The following RSRC1 variants were observed in gnomAD, a reference collection of about 807,000 sequenced individuals.
RSRC1 encodes the protein serine/Arginine-related protein 53.
RSRC1 carries 39 observed loss-of-function variants against 49.1 expected under a neutral mutation model. That is an observed-to-expected ratio of 0.79 (90% CI 0.61 to 1.04). The LOEUF (loss-of-function observed/expected upper bound fraction) is 1.04, where lower values mean the gene tolerates loss of function less well. Ranked by LOEUF, RSRC1 falls within the 50% of genes least tolerant of loss-of-function variation. RSRC1 has a pLI of 0.00. For synonymous variants in RSRC1, 143 were observed against 130.8 expected, an observed-to-expected ratio of 1.09 and a Z score of -0.63; for missense variants, 388 against 402.4, an observed-to-expected ratio of 0.96 and a Z score of 0.31.
At chr3:158,521,356 AC>A (rs1711662519) in intron 7 of RSRC1, among the ~76,000 whole-genome samples, 2 of 151,864 alleles carry the variant, frequency 1.3e-5, no homozygotes, top group African/African-American at 2.4e-5. Context: ...CATCTTCGGA[AC>A]CCCTTGTCCT....
chr3:158,146,679 G>A (rs1055712638), intron 3 of RSRC1, among the ~76,000 whole-genome samples: 4 of 152,084 alleles, frequency 2.6e-5, no homozygotes, highest in African/African-American at 4.8e-5. Context: ...TTTTTCTATT[G>A]ATTGGAATAG....
intron 4 of RSRC1, among the ~76,000 whole-genome samples, chr3:158,241,797 G>A (rs1723595276): frequency 6.6e-6 from 1 of 151,852 alleles, no homozygotes; most frequent in African/African-American, 2.4e-5. Context: ...TTGAAAGTCT[G>A]TATCTTAAAA....
At chr3:158,299,536 A>G (rs931347789) in intron 5 of RSRC1, among the ~76,000 whole-genome samples, 8 of 151,930 alleles carry the variant, frequency 5.3e-5, no homozygotes, top group Non-Finnish European at 1.2e-4. Flanking sequence ...GGGTTTCACC[A>G]TATTAGCCAG....
chr3:158,528,705 C>T (rs1347724028), intron 7 of RSRC1, among the ~76,000 whole-genome samples: 2 of 151,884 alleles, frequency 1.3e-5, no homozygotes, highest in African/African-American at 4.8e-5. Flanking sequence ...GTATTCTGAC[C>T]TATTAATCTG....
chr3:158,395,932 C>A (rs1733587390), intron 6 of RSRC1, among the ~76,000 whole-genome samples: 2 of 152,060 alleles, frequency 1.3e-5, no homozygotes, highest in South Asian at 4.1e-4. Flanking sequence ...ATGGAATCAA[C>A]CTAAGTTCCC....
intron 6 of RSRC1, among the ~76,000 whole-genome samples, chr3:158,422,211 G>T (rs2108339838): frequency 7.0e-6 from 1 of 141,970 alleles, no homozygotes; most frequent in South Asian, 2.5e-4. Context: ...ATCTCCCAAT[G>T]CTATCCCTCC....
At chr3:158,197,800 T>C (rs918993827) in intron 3 of RSRC1, among the ~76,000 whole-genome samples, 11 of 152,164 alleles carry the variant, frequency 7.2e-5, no homozygotes, top group African/African-American at 2.7e-4. Flanking sequence ...AGTTGAGCGG[T>C]TTTGAGTGAG....
rs1287457792 is a variant in RSRC1 at position 158,248,436 on chromosome 3, T to TG, written c.494+45192dup. On this transcript the variant is annotated intron_variant, in intron 4 of 9. Transcript: ENST00000611884. ...ATCACATTTTGTTTTTTCACTCACC[T>TG]GTTAATAAACAGTTGAGTTGTTTTC... is the stretch of plus-strand genomic sequence containing the variant. 3.9e-5 allele frequency among the ~76,000 whole-genome samples: 6 copies of TG among 152,200 alleles called. No individual in the cohort carries two copies. In the East Asian group the frequency reaches 9.6e-4, roughly 24 times the overall value.
intron 4 of RSRC1, among the ~76,000 whole-genome samples, chr3:158,297,197 T>G (rs1328847962): frequency 6.6e-6 from 1 of 152,046 alleles, no homozygotes; most frequent in Admixed American, 6.6e-5. Context: ...AAATATTGCT[T>G]GATCAGAATG....
At chr3:158,370,535 T>A (rs1732010236) in intron 6 of RSRC1, among the ~76,000 whole-genome samples, 1 of 151,998 alleles carries the variant, frequency 6.6e-6, no homozygotes. Context: ...GTCTGTAGTC[T>A]TTCACTTGGT....
intron 4 of RSRC1, among the ~76,000 whole-genome samples, chr3:158,284,062 T>A (rs1726352478): frequency 8.2e-6 from 1 of 121,234 alleles, no homozygotes; most frequent in Admixed American, 1.0e-4. Context: ...CCCACAACAG[T>A]CCCCAGAGTG....
At chr3:158,328,408 G>A (rs139290409) in intron 5 of RSRC1, among the ~76,000 whole-genome samples, 75 of 149,250 alleles carry the variant, frequency 5.0e-4, no homozygotes, top group Non-Finnish European at 9.3e-4. Context: ...TCCTTCAGGA[G>A]CTCTTGTAGG....
At chr3:158,243,385 C>T (rs1281228866) in intron 4 of RSRC1, among the ~76,000 whole-genome samples, 1 of 151,872 alleles carries the variant, frequency 6.6e-6, no homozygotes. Flanking sequence ...TGGGTTTTCT[C>T]TTCTCTTCCA....
chr3:158,348,153 A>G (rs1417374909), intron 5 of RSRC1, among the ~76,000 whole-genome samples: 2 of 152,130 alleles, frequency 1.3e-5, no homozygotes, highest in African/African-American at 4.8e-5. Context: ...CAGACTTTCT[A>G]CTTTTCTCTC....
At position 158,316,634 on chromosome 3, in the gene RSRC1, C is replaced by T. The variant is rs577095890; in HGVS notation, c.531+18559C>T. 1.1e-3 allele frequency among the ~76,000 whole-genome samples: 166 copies of T among 151,842 alleles called. 2 individuals are homozygous for T. The highest frequency in any genetic ancestry group is 3.4e-3 in the Middle Eastern group (1 of 294). Reference sequence around the variant, plus strand: ...TAATTTTTTGTATTTTTAGTAGAGACGGGGTTTCACTGTGTTAGCCAGGAT... The same window carrying T: ...TAATTTTTTGTATTTTTAGTAGAGATGGGGTTTCACTGTGTTAGCCAGGAT... On this transcript the variant is annotated intron_variant, in intron 5 of 9. Coordinates refer to ENST00000611884, the MANE Select transcript of RSRC1 (RefSeq NM_001271838.2).
intron 5 of RSRC1, among the ~76,000 whole-genome samples, chr3:158,328,598 A>G (rs1729333563): frequency 6.6e-6 from 1 of 152,180 alleles, no homozygotes; most frequent in Non-Finnish European, 1.5e-5. Context: ...CTGCCGAGAG[A>G]TCAGCTGTTA....
chr3:158,222,592 C>T (rs149419644), intron 4 of RSRC1, among the ~76,000 whole-genome samples: 391 of 151,594 alleles, frequency 2.6e-3, no homozygotes, highest in Non-Finnish European at 4.8e-3. Flanking sequence ...ATCTTGATGG[C>T]ATATATTCAT....
intron 5 of RSRC1, among the ~76,000 whole-genome samples, chr3:158,342,335 G>A (rs1246208457): frequency 2.0e-5 from 3 of 152,114 alleles, no homozygotes; most frequent in African/African-American, 4.8e-5. Context: ...AGAGCCTGGC[G>A]GAGGTAATTG....
intron 8 of RSRC1, among the ~76,000 whole-genome samples, chr3:158,541,458 A>G (rs962352931): frequency 6.6e-6 from 1 of 152,224 alleles, no homozygotes; most frequent in Non-Finnish European, 1.5e-5. Context: ...AACCATATCT[A>G]TTTGATTCTG....
Sources: gnomAD v4.1 joint callset for allele counts (sites outside exome capture counted in the v4.1 genomes callset) on GRCh38, gnomAD v4.1.1 for gene constraint, MANE v1.5 for transcripts, NCBI Gene and HGNC (gene_info 2026-07-23, HGNC 2026-07-21) for gene names.